The following RPH3AL variants were observed in gnomAD, a reference collection of about 807,000 sequenced individuals.
The protein encoded by RPH3AL is rabphilin 3A like (without C2 domains).
In RPH3AL, 38 loss-of-function variants were observed where a neutral mutation model predicts 43.1. The ratio of observed to expected loss-of-function variants is 0.88; its 90% confidence interval spans 0.68 to 1.15. RPH3AL has a LOEUF of 1.15. Among genes scored for constraint, RPH3AL ranks in the 50% most tolerant of loss-of-function variants. The pLI is 0.00. For synonymous variants in RPH3AL, 189 were observed against 176.3 expected (o/e 1.07, Z -0.57); for missense variants, 462 against 423.2 (o/e 1.09, Z -0.81).
intron 6 of RPH3AL, among the ~76,000 whole-genome samples, chr17:249,836 C>T (rs895440123): frequency 8.3e-5 from 12 of 144,490 alleles, no homozygotes; most frequent in African/African-American, 2.6e-4. Flanking sequence ...CGGGACCTCT[C>T]GGGGCCTTTA....
chr17:266,182 A>G (rs1449491632), intron 6 of RPH3AL, among the ~76,000 whole-genome samples: 2 of 151,980 alleles, frequency 1.3e-5, no homozygotes, highest in Non-Finnish European at 2.9e-5. Flanking sequence ...GTTTTAAAAG[A>G]TGACACTTTA....
rs568391412 is a variant in RPH3AL, at chr17:323,261, T to A, written c.78-1846A>T. 7.2e-4 allele frequency among the ~76,000 whole-genome samples: 103 copies of A among 143,158 alleles called. No individual in the cohort carries two copies. Among genetic ancestry groups the A allele is most frequent in the Non-Finnish European group, 1.3e-3 (83 of 64,930 alleles). The allele number at this position is 143,158 out of a possible 152,430, so 93.9% of individuals were successfully genotyped here. A position where few individuals can be genotyped will look rare whatever the true frequency, so the allele number is the denominator to read the frequency against. ...TTCTACACTGCCGGTTTTTCCAATT[T>A]AAAAAAAAAAAAACTGCAATGCCCT... On this transcript the variant is annotated intron_variant, in intron 3 of 9. Coordinates refer to ENST00000331302, the MANE Select transcript of RPH3AL (RefSeq NM_006987.4). This position sits in a 1 kb window ranked among gnomAD's most constrained non-coding sequence, Gnocchi z 4.4.
chr17:325,512 G>A (rs1289100319), intron 3 of RPH3AL, among the ~76,000 whole-genome samples: 6 of 151,792 alleles, frequency 4.0e-5, no homozygotes, highest in African/African-American at 1.5e-4. Context: ...CCTTCTGCCT[G>A]GAAGCGCTTC....
At chr17:275,198 G>A (rs1200314610) in intron 6 of RPH3AL, among the ~76,000 whole-genome samples, 2 of 145,636 alleles carry the variant, frequency 1.4e-5, no homozygotes, top group African/African-American at 5.1e-5. Context: ...TACTCCAGGA[G>A]ACATGAATGT....
At chr17:302,054 G>A (rs1303489344) in intron 5 of RPH3AL, among the ~76,000 whole-genome samples, 2 of 152,316 alleles carry the variant, frequency 1.3e-5, no homozygotes, top group Admixed American at 6.5e-5. Context: ...CGAACTGGGC[G>A]GCAAACCTGC....
rs1474485966 is a variant in RPH3AL, at chr17:323,219, GT to G, written c.78-1805del. ...GCAGGGGGCATGGGTGGTGTGTGGT[GT>G]TTCAGGGATCCATACTTCTACACTG... On this transcript the variant is annotated intron_variant, in intron 3 of 9. Transcript: ENST00000331302. The surrounding 1 kb of genome is among the most constrained non-coding windows in gnomAD (Gnocchi z 4.4). 6.6e-6 allele frequency among the ~76,000 whole-genome samples: 1 copy of G among 151,472 alleles called. No homozygotes were observed. Among genetic ancestry groups the G allele is most frequent in the Non-Finnish European group, 1.5e-5 (1 of 67,902 alleles).
chr17:271,270 G>A (rs2151587941), intron 6 of RPH3AL, among the ~76,000 whole-genome samples: 1 of 152,238 alleles, frequency 6.6e-6, no homozygotes, highest in South Asian at 2.1e-4. Flanking sequence ...CTCTTTTTTG[G>A]TTCCATATGA....
intron 5 of RPH3AL, among the ~76,000 whole-genome samples, chr17:303,230 A>G (rs369882069): frequency 6.6e-6 from 1 of 152,122 alleles, no homozygotes; most frequent in South Asian, 2.1e-4. Flanking sequence ...AGTCTCCACA[A>G]AAAATGAGAA....
chr17:330,886 A>G (rs1238543730), intron 2 of RPH3AL: 1 of 151,928 alleles, frequency 6.6e-6, no homozygotes, highest in Non-Finnish European at 1.5e-5. Flanking sequence ...AAAAAAAAAA[A>G]AAAGATCTGT....
At chr17:286,643 G>A (rs1268015072) in intron 5 of RPH3AL, among the ~76,000 whole-genome samples, 1 of 152,184 alleles carries the variant, frequency 6.6e-6, no homozygotes. Flanking sequence ...CAGCGAGCAA[G>A]CCAGCCTCTA....
chr17:344,340 C>A lies in RPH3AL; in HGVS notation c.-213+8372G>T, dbSNP rs115837573. Among the ~76,000 whole-genome samples, 173 of 130,906 alleles carry A rather than the reference C, an allele frequency of 1.3e-3. 25 individuals carry two copies. The highest frequency in any genetic ancestry group is 9.2e-3 in the Middle Eastern group (2 of 218). The allele number at this position is 130,906 out of a possible 152,430, so 85.9% of individuals were successfully genotyped here. On this transcript the variant is annotated intron_variant, in intron 1 of 9. Transcript: ENST00000331302. ...TCATCACCATCACCATCACCGTCATCATTATTACCATCATCATCACCAACA... is the reference window on the plus strand; with the variant it reads ...TCATCACCATCACCATCACCGTCATAATTATTACCATCATCATCACCAACA...
In RPH3AL at chr17:283,825, C is replaced by G. The variant is rs150274073; in HGVS notation, c.352-1971G>C. On this transcript the variant is annotated intron_variant, in intron 5 of 9. Transcript: ENST00000331302. The surrounding 1 kb of genome is among the most constrained non-coding windows in gnomAD (Gnocchi z 4.2). ...GTGACTCTCCCCTTCCCCAAGAGAGCAGCCTCTCTCCACCTCTTCCACCCT... is the reference window on the plus strand; with the variant it reads ...GTGACTCTCCCCTTCCCCAAGAGAGGAGCCTCTCTCCACCTCTTCCACCCT... Among the ~76,000 whole-genome samples, 1 of 152,330 alleles carries G rather than the reference C, an allele frequency of 6.6e-6. No homozygotes were observed. The highest frequency in any genetic ancestry group is 2.4e-5 in the African/African-American group (1 of 41,572).
In RPH3AL at chr17:272,306, G is replaced by A. The variant is rs575222000; in HGVS notation, c.438+9462C>T. Among the ~76,000 whole-genome samples the A allele has an allele frequency of 3.6e-3, 544 of 152,066 alleles. 3 individuals carry two copies. Among genetic ancestry groups the A allele is most frequent in the African/African-American group, 0.012 (513 of 41,468 alleles). On this transcript the variant is annotated intron_variant, in intron 6 of 9. Coordinates refer to ENST00000331302, the MANE Select transcript of RPH3AL (RefSeq NM_006987.4). Reference sequence around the variant, plus strand: ...TGCTGCTATAAAGACACATGCACACGTATGTTTATTGCAGCACTATTCACA... The same window carrying A: ...TGCTGCTATAAAGACACATGCACACATATGTTTATTGCAGCACTATTCACA...
chr17:344,577 G>A lies in RPH3AL; in HGVS notation c.-213+8135C>T, dbSNP rs760460340. 5.4e-5 allele frequency among the ~76,000 whole-genome samples: 7 copies of A among 128,496 alleles called. 1 individual carries two copies. Among genetic ancestry groups the A allele is most frequent in the African/African-American group, 8.0e-5 (3 of 37,368 alleles). The allele number at this position is 128,496 out of a possible 152,430, so 84.3% of individuals were successfully genotyped here. On this transcript the variant is annotated intron_variant, in intron 1 of 9. Coordinates refer to ENST00000331302, the MANE Select transcript of RPH3AL (RefSeq NM_006987.4). ...CATCATCACCAACACCACTATCATC[G>A]CCCTCATCATCACCATCATTGTCAA...
chr17:221,363 G>C (rs1315555758), intron 7 of RPH3AL, among the ~76,000 whole-genome samples: 3 of 125,788 alleles, frequency 2.4e-5, no homozygotes, highest in South Asian at 2.8e-4. Context: ...CAACAGCTCT[G>C]AGGGCTCCAC....
At chr17:281,012 TC>T in intron 6 of RPH3AL, among the ~76,000 whole-genome samples, 1 of 152,080 alleles carries the variant, frequency 6.6e-6, no homozygotes, top group Non-Finnish European at 1.5e-5. Context: ...CAGCCCTGCC[TC>T]CCCAGGGCAC....
intron 5 of RPH3AL, among the ~76,000 whole-genome samples, chr17:296,353 T>A (rs559705343): frequency 4.1e-5 from 3 of 73,956 alleles, no homozygotes; most frequent in East Asian, 9.5e-4. Flanking sequence ...ACAGAGGGAA[T>A]GCACATCAGT....
intron 5 of RPH3AL, among the ~76,000 whole-genome samples, chr17:303,546 G>C (rs550305835): frequency 1.2e-4 from 15 of 122,534 alleles, no homozygotes; most frequent in African/African-American, 3.3e-4. Context: ...AAGAGATGGG[G>C]AGGGAGGGAG....
chr17:241,124 C>G (rs1484277911), intron 7 of RPH3AL, among the ~76,000 whole-genome samples: 1 of 151,050 alleles, frequency 6.6e-6, no homozygotes, highest in Non-Finnish European at 1.5e-5. Context: ...GATGGTGGCT[C>G]ATGCCTGTAA....
Sources: gnomAD v4.1 joint callset for allele counts (sites outside exome capture counted in the v4.1 genomes callset) on GRCh38, gnomAD v4.1.1 for gene constraint, Gnocchi (gnomAD v3.1) non-coding constraint, MANE v1.5 for transcripts, NCBI Gene and HGNC (gene_info 2026-07-23, HGNC 2026-07-21) for gene names.